Variants in ADAM10 observed in about 807,000 individuals in gnomAD.
ADAM10 encodes the protein ADAM metallopeptidase domain 10.
Under a neutral mutation model 90.1 loss-of-function variants are expected in ADAM10, and 17 were observed. The observed-to-expected ratio is 0.19, with a 90% confidence interval of 0.13 to 0.28. The LOEUF (loss-of-function observed/expected upper bound fraction) is 0.28, where lower values mean the gene tolerates loss of function less well. ADAM10 is among the 10% of genes least tolerant of loss of function. The pLI is 1.00. For missense variants in ADAM10, 610 were observed against 914.3 expected (o/e 0.67, Z 4.29); for synonymous variants, 310 against 298.6 (o/e 1.04, Z -0.40).
chr15:58,635,003 T>C (rs1896209155), intron 8 of ADAM10, among the ~76,000 whole-genome samples: 1 of 151,734 alleles, frequency 6.6e-6, no homozygotes, highest in African/African-American at 2.4e-5. Flanking sequence ...GGCAACAAAA[T>C]ACAAATTTGA....
chr15:58,664,757 A>G (rs1334011254), intron 5 of ADAM10, among the ~76,000 whole-genome samples: 1 of 152,180 alleles, frequency 6.6e-6, no homozygotes, highest in Non-Finnish European at 1.5e-5. Flanking sequence ...GTTAAAAATG[A>G]GGAATACCTT....
intron 1 of ADAM10, among the ~76,000 whole-genome samples, chr15:58,743,754 G>A (rs1393030322): frequency 1.3e-5 from 2 of 152,082 alleles, no homozygotes; most frequent in Admixed American, 6.5e-5. Context: ...ACAGGCGCCT[G>A]CCACCACACC....
At chr15:58,613,033 G>A (rs1462750753) in intron 11 of ADAM10, among the ~76,000 whole-genome samples, 1 of 152,156 alleles carries the variant, frequency 6.6e-6, no homozygotes, top group Non-Finnish European at 1.5e-5. Flanking sequence ...GACACCAAGA[G>A]GGATCCCCTT....
At chr15:58,726,381 A>G (rs548215086) in intron 1 of ADAM10, among the ~76,000 whole-genome samples, 1 of 152,094 alleles carries the variant, frequency 6.6e-6, no homozygotes, top group Admixed American at 6.5e-5. Flanking sequence ...CCTGGCCAAC[A>G]TGGTGAAACC....
In ADAM10 at chr15:58,642,386, A is replaced by G. The variant is rs1222368970; in HGVS notation, c.829-1426T>C. 2.0e-5 allele frequency among the ~76,000 whole-genome samples: 3 copies of G among 152,050 alleles called. No individual in the cohort carries two copies. The East Asian group carries it at 5.8e-4, about 29-fold the overall frequency. Reference sequence around the variant, plus strand: ...AGGCTGAGGTGGGAGAATCGCTTGAAACTGGAAGGCAGAGGCTGCAGTGAG... The same window carrying G: ...AGGCTGAGGTGGGAGAATCGCTTGAGACTGGAAGGCAGAGGCTGCAGTGAG... On this transcript the variant is annotated intron_variant, in intron 7 of 15. Transcript: ENST00000260408.
intron 12 of ADAM10, 165 bp downstream of exon 12, chr15:58,611,643 T>A: frequency 1.6e-6 from 1 of 644,454 alleles, no homozygotes; most frequent in South Asian, 2.0e-5. Context: ...GACAAATTAG[T>A]AGCTAATTGA....
intron 2 of ADAM10, among the ~76,000 whole-genome samples, chr15:58,687,980 G>T (rs1473023341): frequency 1.3e-5 from 2 of 152,102 alleles, no homozygotes; most frequent in Non-Finnish European, 2.9e-5. Flanking sequence ...TGATTGTAGG[G>T]ATAATTACAC....
intron 1 of ADAM10, among the ~76,000 whole-genome samples, chr15:58,731,750 C>T (rs1307410549): frequency 6.6e-6 from 1 of 152,176 alleles, no homozygotes; most frequent in East Asian, 1.9e-4. Context: ...GATGAACATG[C>T]ACCTTCCAAG....
At chr15:58,667,457 C>T (rs919460134) in intron 4 of ADAM10, among the ~76,000 whole-genome samples, 1 of 152,106 alleles carries the variant, frequency 6.6e-6, no homozygotes, top group Non-Finnish European at 1.5e-5. Context: ...ACTAGCAGCT[C>T]AGAAACTTAA....
chr15:58,722,351 A>G (rs1336676274), intron 1 of ADAM10, among the ~76,000 whole-genome samples: 1 of 151,912 alleles, frequency 6.6e-6, no homozygotes, highest in Non-Finnish European at 1.5e-5. Context: ...ACAAAAAATA[A>G]TAATAAGTAA....
chr15:58,683,313 A>G (rs940022495), intron 2 of ADAM10, among the ~76,000 whole-genome samples: 1 of 152,276 alleles, frequency 6.6e-6, no homozygotes, highest in Admixed American at 6.5e-5. Context: ...AGAGTACTAT[A>G]AGAACCTTGT....
Position 58,595,052 on chromosome 15 carries a change from A to C in ADAM10, c.*2495T>G, listed in dbSNP as rs1894914366. ...AAAATTTTAAACAAACTTATCATTAAACTAGGCTTTTTAAAATAAATGAGG... is the reference window on the plus strand; with the variant it reads ...AAAATTTTAAACAAACTTATCATTACACTAGGCTTTTTAAAATAAATGAGG... On this transcript the variant is annotated 3_prime_UTR_variant, in exon 16 of 16. Transcript: ENST00000260408. 6.6e-6 allele frequency: 1 copy of C among 152,178 alleles called. No individual in the cohort carries two copies. Among genetic ancestry groups the C allele is most frequent in the African/African-American group, 2.4e-5 (1 of 41,452 alleles). 9.4% of individuals were successfully genotyped at this position (152,178 alleles called of 1,614,324 possible).
intron 4 of ADAM10, among the ~76,000 whole-genome samples, chr15:58,668,442 T>C (rs1897126484): frequency 6.6e-6 from 1 of 152,262 alleles, no homozygotes; most frequent in African/African-American, 2.4e-5. Context: ...GCGAATCTCT[T>C]TTCCTTTCTT....
intron 1 of ADAM10, among the ~76,000 whole-genome samples, chr15:58,742,374 G>A (rs756966293): frequency 6.6e-5 from 10 of 152,300 alleles, no homozygotes; most frequent in Middle Eastern, 3.4e-3. Flanking sequence ...TCTACTGCAC[G>A]TGTATCACTT....
At chr15:58,659,773 G>T (rs989388128) in intron 5 of ADAM10, among the ~76,000 whole-genome samples, 1 of 152,094 alleles carries the variant, frequency 6.6e-6, no homozygotes, top group African/African-American at 2.4e-5. Context: ...CTGTCGCCCA[G>T]GCTGGAGTGC....
chr15:58,699,603 T>C (rs1277587675), intron 2 of ADAM10, among the ~76,000 whole-genome samples: 1 of 151,896 alleles, frequency 6.6e-6, no homozygotes, highest in African/African-American at 2.4e-5. Flanking sequence ...CAAAACCCTA[T>C]CTCTACAAAA....
rs1894865110 is a variant in ADAM10 at position 58,593,165 on chromosome 15, T to A, written c.*4382A>T. 5.7e-5 allele frequency: 2 copies of A among 35,158 alleles called. No homozygotes were observed. Among genetic ancestry groups the A allele is most frequent in the East Asian group, 1.4e-3 (1 of 702 alleles). 2.2% of individuals were successfully genotyped at this position (35,158 alleles called of 1,614,324 possible). ...GGTACTCAAATTTTTTTTTTTTTTT[T>A]TTTTTTTTTTTTTTTTTTTTTTTTT... On this transcript the variant is annotated 3_prime_UTR_variant, in exon 16 of 16. Transcript: ENST00000260408.
intron 1 of ADAM10, among the ~76,000 whole-genome samples, chr15:58,727,978 C>CA (rs1178632736): frequency 6.6e-6 from 1 of 151,884 alleles, no homozygotes; most frequent in Non-Finnish European, 1.5e-5. Context: ...AACAAGCAGA[C>CA]AAAAAAATCA....
chr15:58,724,588 A>G (rs1595658416), intron 1 of ADAM10, among the ~76,000 whole-genome samples: 1 of 152,236 alleles, frequency 6.6e-6, no homozygotes, highest in East Asian at 1.9e-4. Flanking sequence ...CTCTGAGTTC[A>G]GGGAGATCAG....
Sources: allele counts gnomAD v4.1 joint callset (sites outside exome capture counted in the v4.1 genomes callset), GRCh38; gene constraint gnomAD v4.1.1; transcripts MANE v1.5; gene names NCBI Gene and HGNC (gene_info 2026-07-23, HGNC 2026-07-21).